The following EFL1 variants were observed in gnomAD, a reference collection of about 807,000 sequenced individuals.
EFL1 encodes the protein elongation factor like GTPase 1, also known as elongation factor-like GTPase 1.
A neutral mutation model predicts 126.7 loss-of-function variants in EFL1; 76 were observed. The ratio of observed to expected loss-of-function variants is 0.60; its 90% CI spans 0.50 to 0.73. The LOEUF is 0.73. Ranked by LOEUF, EFL1 falls within the 30% of genes least tolerant of loss-of-function variation. EFL1 has a pLI of 0.00. For missense variants in EFL1, 1,128 were observed against 1,343.2 expected, an observed-to-expected ratio of 0.84 and a Z score of 2.50; for synonymous variants, 410 against 448.4, an observed-to-expected ratio of 0.91 and a Z score of 1.08.
intron 7 of EFL1, among the ~76,000 whole-genome samples, chr15:82,236,216 C>T (rs1279499822): frequency 6.6e-6 from 1 of 151,996 alleles, no homozygotes; most frequent in Admixed American, 6.6e-5. Flanking sequence ...AGAAAAAATT[C>T]AACATAGCAA....
chr15:82,241,234 T>C, intron 5 of EFL1, 36 bp downstream of exon 5: 1 of 1,611,652 alleles, frequency 6.2e-7, no homozygotes, highest in Non-Finnish European at 8.5e-7. Context: ...TCCTCACCCT[T>C]AACCATTTAA....
At chr15:82,194,810 C>T (rs2074393121) in intron 15 of EFL1, among the ~76,000 whole-genome samples, 1 of 152,140 alleles carries the variant, frequency 6.6e-6, no homozygotes, top group African/African-American at 2.4e-5. Flanking sequence ...AAATGCTCAG[C>T]TTCTCTACTT....
chr15:82,162,909 T>C (rs1164497498), intron 16 of EFL1, among the ~76,000 whole-genome samples: 1 of 152,244 alleles, frequency 6.6e-6, no homozygotes, highest in Non-Finnish European at 1.5e-5. Flanking sequence ...TTGGTTTCCC[T>C]AAGGCATGGT....
chr15:82,145,929 G>T (rs1301599367), intron 18 of EFL1, among the ~76,000 whole-genome samples: 1 of 147,572 alleles, frequency 6.8e-6, no homozygotes, highest in Non-Finnish European at 1.5e-5. Flanking sequence ...TATTACCAAA[G>T]ATTTTTTAAA....
chr15:82,222,158 T>G (rs1280517209), intron 12 of EFL1, among the ~76,000 whole-genome samples: 3 of 152,242 alleles, frequency 2.0e-5, no homozygotes, highest in Non-Finnish European at 2.9e-5. Context: ...GGTTTATCAC[T>G]ATGATCCAGA....
At chr15:82,153,650 TCA>T (rs1301295738) in intron 17 of EFL1, among the ~76,000 whole-genome samples, 1 of 152,180 alleles carries the variant, frequency 6.6e-6, no homozygotes, top group Non-Finnish European at 1.5e-5. Flanking sequence ...ATTCACACTC[TCA>T]GTCATTATGC....
chr15:82,156,419 G>A (rs1309339571), intron 17 of EFL1, among the ~76,000 whole-genome samples: 2 of 152,066 alleles, frequency 1.3e-5, no homozygotes, highest in Non-Finnish European at 2.9e-5. Context: ...CTGAGTAGCT[G>A]GATTACAGGT....
intron 12 of EFL1, among the ~76,000 whole-genome samples, chr15:82,221,204 C>A (rs923943152): frequency 6.6e-6 from 1 of 152,150 alleles, no homozygotes; most frequent in African/African-American, 2.4e-5. Context: ...GCCTCTCTCC[C>A]GTGTTGTCCA....
At chr15:82,183,501 T>C (rs1214371994) in intron 15 of EFL1, among the ~76,000 whole-genome samples, 1 of 152,164 alleles carries the variant, frequency 6.6e-6, no homozygotes, top group Non-Finnish European at 1.5e-5. Context: ...TTGTCCTTGC[T>C]CTGCTGAATA....
intron 14 of EFL1, among the ~76,000 whole-genome samples, chr15:82,219,187 C>T (rs2074681976): frequency 6.6e-6 from 1 of 152,252 alleles, no homozygotes; most frequent in Admixed American, 6.5e-5. Context: ...TTTTTAGATG[C>T]TGCCTGTTCA....
intron 15 of EFL1, among the ~76,000 whole-genome samples, chr15:82,195,126 A>T (rs2074395945): frequency 1.3e-5 from 2 of 152,210 alleles, no homozygotes; most frequent in African/African-American, 2.4e-5. Context: ...AGGTTTAATG[A>T]ACTTGGTTTC....
chr15:82,260,711 GA>G (rs1189462427), intron 2 of EFL1, among the ~76,000 whole-genome samples: 1 of 152,152 alleles, frequency 6.6e-6, no homozygotes, highest in East Asian at 1.9e-4. Context: ...TATGTAACTT[GA>G]AAATGGAGAT....
intron 12 of EFL1, 75 bp downstream of exon 12, chr15:82,225,090 T>A (rs758637192): frequency 8.8e-5 from 104 of 1,181,950 alleles, no homozygotes; most frequent in Non-Finnish European, 1.2e-4. Flanking sequence ...GTGCCCCCCC[T>A]ACCCACAGCC....
chr15:82,140,768 C>T (rs1342148333), intron 18 of EFL1, among the ~76,000 whole-genome samples: 5 of 152,136 alleles, frequency 3.3e-5, no homozygotes, highest in Non-Finnish European at 7.3e-5. Context: ...CCAACTATTT[C>T]CCCCGTCATT....
chr15:82,136,760 G>A (rs964663521), intron 19 of EFL1, among the ~76,000 whole-genome samples: 4 of 152,100 alleles, frequency 2.6e-5, no homozygotes, highest in African/African-American at 9.7e-5. Flanking sequence ...GGATAAATGA[G>A]AAATTACTAC....
In EFL1 at chr15:82,262,631, C is replaced by G. The variant is rs554635653; in HGVS notation, c.-37G>C. On this transcript the variant is annotated 5_prime_UTR_variant, in exon 1 of 20. Coordinates refer to ENST00000268206, the MANE Select transcript of EFL1 (RefSeq NM_024580.6). ...ACACTCACCGGCTGCAGCAGCCCCA[C>G]CAGCCCCGCTCCTTCTCTCGGGTCG... is the stretch of plus-strand genomic sequence containing the variant. 2.1e-4 allele frequency: 94 copies of G among 448,418 alleles called. No individual in the cohort carries two copies. Among genetic ancestry groups the G allele is most frequent in the African/African-American group, 1.8e-3 (88 of 47,616 alleles). The allele number at this position is 448,418 out of a possible 1,614,324, so 27.8% of individuals were successfully genotyped here. A position where few individuals can be genotyped will look rare whatever the true frequency, so the allele number is the denominator to read the frequency against.
At chr15:82,159,718 A>T (rs1218613670) in intron 16 of EFL1, among the ~76,000 whole-genome samples, 1 of 152,218 alleles carries the variant, frequency 6.6e-6, no homozygotes, top group East Asian at 1.9e-4. Context: ...AGAAAAATGG[A>T]CTGCCATCAG....
chr15:82,258,659 C>T (rs1277327892), intron 3 of EFL1, among the ~76,000 whole-genome samples: 1 of 152,222 alleles, frequency 6.6e-6, no homozygotes, highest in African/African-American at 2.4e-5. Flanking sequence ...TAATCTTATT[C>T]TCCCTGCCAG....
chr15:82,178,801 T>A (rs930882418), intron 15 of EFL1, among the ~76,000 whole-genome samples: 25 of 152,110 alleles, frequency 1.6e-4, no homozygotes, highest in African/African-American at 5.3e-4. Flanking sequence ...ACACAGTCTA[T>A]ACTGAAGCTA....
Sources: gnomAD v4.1 joint callset for allele counts (sites outside exome capture counted in the v4.1 genomes callset) on GRCh38, gnomAD v4.1.1 for gene constraint, MANE v1.5 for transcripts, NCBI Gene and HGNC (gene_info 2026-07-23, HGNC 2026-07-21) for gene names.